Variants in ZBED1 observed in about 807,000 individuals in gnomAD.
ZBED1 encodes the protein zinc finger BED-type containing 1, also known as E3 SUMO-protein ligase ZBED1.
Under a neutral mutation model 49.7 loss-of-function variants are expected in ZBED1, and 19 were observed. The ratio of observed to expected loss-of-function variants is 0.38; its 90% CI spans 0.27 to 0.56. The LOEUF is 0.56. Among genes scored for constraint, ZBED1 ranks in the 20% least tolerant of loss-of-function variants. ZBED1 has a pLI of 0.70. For missense variants in ZBED1, 806 were observed against 972.6 expected, an observed-to-expected ratio of 0.83 and a Z score of 2.28; for synonymous variants, 439 against 440.3, an observed-to-expected ratio of 1.00 and a Z score of 0.04.
rs891028712 is a variant in ZBED1, at chrX:2,495,198, C to A, written c.-53-4426G>T. 2.3e-3 allele frequency among the ~76,000 whole-genome samples: 343 copies of A among 150,390 alleles called. 1 individual carries two copies. The highest frequency in any genetic ancestry group is 3.9e-3 in the Non-Finnish European group (264 of 67,734). ...AGTACCCTGAACAAAGGTTTATATT[C>A]TATTATCATTAATATTATTATTATT... is the stretch of plus-strand genomic sequence containing the variant. On this transcript the variant is annotated intron_variant, in intron 1 of 1. Transcript: ENST00000652001.
chrX:2,500,944 G>T lies in ZBED1; in HGVS notation c.-181C>A. On this transcript the variant is annotated 5_prime_UTR_variant, in exon 1 of 2. Transcript: ENST00000652001. ...GCGACATGGCTGCCCCGGCCGCGCC[G>T]CCGCCGCTTCCGCGCCGCCCGCGGG... 9.6e-7 allele frequency: 1 copy of T among 1,039,406 alleles called. No homozygotes were observed. Among genetic ancestry groups the T allele is most frequent in the Non-Finnish European group, 1.2e-6 (1 of 865,346 alleles). 64.4% of individuals were successfully genotyped at this position (1,039,406 alleles called of 1,614,324 possible). A position where few individuals can be genotyped will look rare whatever the true frequency, so the allele number is the denominator to read the frequency against.
chrX:2,500,904 G>A lies in ZBED1; in HGVS notation c.-141C>T, dbSNP rs1250547298. The A allele has an allele frequency of 8.9e-7, 1 of 1,123,162 alleles. No homozygotes were observed. The highest frequency in any genetic ancestry group is 1.7e-5 in the African/African-American group (1 of 59,894). The allele number at this position is 1,123,162 out of a possible 1,614,324, so 69.6% of individuals were successfully genotyped here. On this transcript the variant is annotated 5_prime_UTR_variant, in exon 1 of 2. Transcript: ENST00000652001. The stretch of plus-strand genomic sequence containing the variant: ...ACCGCGTAGACCCGCAGGGCCGCCC[G>A]CGCCGCAGACAATGGCGACATGGCT...
Position 2,488,563 on chromosome X carries a change from C to T in ZBED1, c.*72G>A, listed in dbSNP as rs760651828. The T allele has an allele frequency of 4.9e-5, 74 of 1,502,356 alleles. No homozygotes were observed. Among genetic ancestry groups the T allele is most frequent in the East Asian group, 9.2e-5 (4 of 43,616 alleles). 93.1% of individuals were successfully genotyped at this position (1,502,356 alleles called of 1,614,324 possible). The stretch of plus-strand genomic sequence containing the variant: ...CTCTGAGGTTCAAAACCAAGCTGAC[C>T]GGGTAAGTATTTACAGCAAAGCATC... On this transcript the variant is annotated 3_prime_UTR_variant, in exon 2 of 2. Coordinates refer to ENST00000652001, the MANE Select transcript of ZBED1 (RefSeq NM_001171136.2).
intron 1 of ZBED1, among the ~76,000 whole-genome samples, chrX:2,497,867 G>C (rs887683332): frequency 6.6e-6 from 1 of 152,126 alleles, no homozygotes; most frequent in Non-Finnish European, 1.5e-5. Flanking sequence ...CCATATCAAT[G>C]TTCAAGTTTT....
chrX:2,490,800 T>G, intron 1 of ZBED1, 28 bp from the exon 2 acceptor site: 2 of 1,541,912 alleles, frequency 1.3e-6, no homozygotes, highest in Non-Finnish European at 1.7e-6. Context: ...AAACACAGCA[T>G]GAGAAGGGAC....
chrX:2,490,903 C>T, intron 1 of ZBED1, 131 bp from the exon 2 acceptor site: 2 of 769,218 alleles, frequency 2.6e-6, no homozygotes, highest in Non-Finnish European at 4.2e-6. Context: ...GACGGCTGGA[C>T]CTTCCTTGCG....
rs1342734340 is a variant in ZBED1 at position 2,487,903 on chromosome X, T to A, written c.*732A>T. The A allele has an allele frequency of 6.6e-6, 1 of 151,800 alleles. No homozygotes were observed. The highest frequency in any genetic ancestry group is 6.6e-5 in the Admixed American group (1 of 15,220). The allele number at this position is 151,800 out of a possible 1,614,324, so 9.4% of individuals were successfully genotyped here. ...CCCTGCTTGCACGAGAATGTAAACATGAATTCAGTGATCTGGACCTCGCAG... is the reference window on the plus strand; with the variant it reads ...CCCTGCTTGCACGAGAATGTAAACAAGAATTCAGTGATCTGGACCTCGCAG... On this transcript the variant is annotated 3_prime_UTR_variant, in exon 2 of 2. Transcript: ENST00000652001.
rs757564939 is a variant in ZBED1, at chrX:2,488,809, A to C, written c.1911T>G (p.Ala637=). The C allele has an allele frequency of 1.9e-6, 3 of 1,613,858 alleles. No individual in the cohort carries two copies. Among genetic ancestry groups the C allele is most frequent in the Non-Finnish European group, 2.5e-6 (3 of 1,179,852 alleles). ...NVVSAKRNRL[A]PAHVDEQVFL... ...ACACCTGCTCGTCCACGTGCGCGGG[A>C]GCCAGCCGGTTCCTCTTGGCGCTGA... The change falls in exon 2 of 2, where the codon GCT becomes GCG. Residue 637 remains alanine (A), a synonymous_variant. Coordinates refer to ENST00000652001, the MANE Select transcript of ZBED1 (RefSeq NM_001171136.2).
At chrX:2,494,270 A>C (rs2045228710) in intron 1 of ZBED1, among the ~76,000 whole-genome samples, 1 of 150,992 alleles carries the variant, frequency 6.6e-6, no homozygotes, top group Admixed American at 6.6e-5. Flanking sequence ...ATATTATTAC[A>C]TTATTATTAT....
At chrX:2,492,699 G>T (rs1396079364) in intron 1 of ZBED1, among the ~76,000 whole-genome samples, 3 of 146,140 alleles carry the variant, frequency 2.1e-5, no homozygotes, top group African/African-American at 7.6e-5. Context: ...TGATGATGTG[G>T]CTGGCCTGAA....
At chrX:2,500,757 C>T in intron 1 of ZBED1, 60 bp downstream of exon 1, 2 of 876,038 alleles carry the variant, frequency 2.3e-6, no homozygotes, top group Non-Finnish European at 2.8e-6. Context: ...CCCCCGCCCC[C>T]GAGCCAGCCC....
chrX:2,493,019 G>A (rs2045194677), intron 1 of ZBED1, among the ~76,000 whole-genome samples: 1 of 152,238 alleles, frequency 6.6e-6, no homozygotes, highest in South Asian at 2.1e-4. Context: ...TTAGGGAGAC[G>A]CCGCCACGTG....
rs765808444 is a variant in ZBED1 at position 2,492,306 on chromosome X, C to T, written c.-53-1534G>A. Among the ~76,000 whole-genome samples, 21 of 152,200 alleles carry T rather than the reference C, an allele frequency of 1.4e-4. 1 individual carries two copies. Among genetic ancestry groups the T allele is most frequent in the African/African-American group, 5.1e-4 (21 of 41,524 alleles). On this transcript the variant is annotated intron_variant, in intron 1 of 1. Coordinates refer to ENST00000652001, the MANE Select transcript of ZBED1 (RefSeq NM_001171136.2). Reference sequence around the variant, plus strand: ...TTAATAGAAGACAGATGAGGAGACACGGACACACAGGAGAAGACCACATGG... The same window carrying T: ...TTAATAGAAGACAGATGAGGAGACATGGACACACAGGAGAAGACCACATGG...
At position 2,489,442 on chromosome X, in the gene ZBED1, C is replaced by T. The variant is rs1305177302; in HGVS notation, c.1278G>A (p.Leu426=). The part of the protein sequence containing the change: ...YPTISMVKPL[L]HMLLNTTLNI... The stretch of plus-strand genomic sequence containing the variant: ...TGAGCGTGGTGTTCAGGAGCATGTG[C>T]AGCAGCGGCTTCACCATGCTGATGG... Residue 426 remains leucine, a synonymous_variant, in exon 2 of 2, where the codon CTG becomes CTA. Transcript: ENST00000652001. 1.9e-6 allele frequency: 3 copies of T among 1,613,790 alleles called. No homozygotes were observed. The highest frequency in any genetic ancestry group is 2.5e-6 in the Non-Finnish European group (3 of 1,179,872).
In ZBED1 at chrX:2,488,787, C is replaced by A. The variant is rs140894984; in HGVS notation, c.1933G>T (p.Val645Leu). The A allele has an allele frequency of 8.3e-5, 134 of 1,613,972 alleles. No homozygotes were observed. The African/African-American group carries it at 1.5e-3, about 17-fold the overall frequency. ...RLAPAHVDEQ[V>L]FLYENARSGA... ...CTCCGGGCGTTCTCATACAGAAACACCTGCTCGTCCACGTGCGCGGGAGCC... is the reference window on the plus strand; with the variant it reads ...CTCCGGGCGTTCTCATACAGAAACAACTGCTCGTCCACGTGCGCGGGAGCC... The change falls in exon 2 of 2, where the codon GTG becomes TTG. Residue 645 changes from valine to leucine, a missense_variant. Around this residue, in one of 2 missense-constraint regions of ZBED1, gnomAD observed 749 missense variants for 861.3 expected, o/e 0.87. Transcript: ENST00000652001.
Position 2,493,052 on chromosome X carries a change from G to C in ZBED1, c.-53-2280C>G, listed in dbSNP as rs763895868. 1.5e-4 allele frequency among the ~76,000 whole-genome samples: 23 copies of C among 152,380 alleles called. No individual in the cohort carries two copies. The South Asian group carries it at 2.5e-3, about 16-fold the overall frequency. ...GTGCCAGGTGAGCTGGGCATTGCCA[G>C]AGCCCAGCAGTGCCACTTCCCAAGA... On this transcript the variant is annotated intron_variant, in intron 1 of 1. Transcript: ENST00000652001.
rs779801623 is a variant in ZBED1 at position 2,489,156 on chromosome X, G to A, written c.1564C>T (p.Pro522Ser). The change falls in exon 2 of 2, where the codon CCG (proline) becomes TCG (serine). Residue 522 changes from proline (P) to serine (S), a missense_variant. Pro to Ser is a moderately conservative substitution (Grantham distance 74). This residue lies in a region of ZBED1 where 749 missense variants were observed against 861.3 expected (regional missense o/e 0.87). Coordinates refer to ENST00000652001, the MANE Select transcript of ZBED1 (RefSeq NM_001171136.2). Reference protein sequence around the residue: ...GYRPAEDKIFPVPEEPPVKKL... With the variant: ...GYRPAEDKIFSVPEEPPVKKL... The stretch of plus-strand genomic sequence containing the variant: ...TTGACGGGAGGCTCCTCGGGCACCG[G>A]GAAGATCTTGTCCTCAGCCGGCCGG... 6 of 1,613,530 alleles carry A rather than the reference G, an allele frequency of 3.7e-6. No individual in the cohort carries two copies. Among genetic ancestry groups the A allele is most frequent in the Admixed American group, 1.7e-5 (1 of 60,004 alleles).
chrX:2,494,295 AG>A (rs986870194), intron 1 of ZBED1, among the ~76,000 whole-genome samples: 1 of 151,990 alleles, frequency 6.6e-6, no homozygotes, highest in Non-Finnish European at 1.5e-5. Flanking sequence ...AGGCTGGAAG[AG>A]GTCTCGACAC....
chrX:2,491,615 T>C (rs2045147845), intron 1 of ZBED1, among the ~76,000 whole-genome samples: 1 of 152,132 alleles, frequency 6.6e-6, no homozygotes, highest in South Asian at 2.1e-4. Flanking sequence ...CCAGCTTTCC[T>C]ATGGCTAAGA....
Sources: allele counts gnomAD v4.1 joint callset (sites outside exome capture counted in the v4.1 genomes callset), GRCh38; gene constraint gnomAD v4.1.1; regional missense constraint gnomAD v4.1.1; transcripts MANE v1.5; gene names NCBI Gene and HGNC (gene_info 2026-07-23, HGNC 2026-07-21).